MCM10: variants seen among roughly 807,000 people sequenced by gnomAD.
The protein encoded by MCM10 is minichromosome maintenance 10 replication initiation factor, also known as protein MCM10 homolog.
A neutral mutation model predicts 109.9 loss-of-function variants in MCM10; 91 were observed. The observed-to-expected ratio is 0.83, with a 90% CI of 0.70 to 0.99. MCM10 has a LOEUF of 0.99. Ranked by LOEUF, MCM10 falls within the 50% of genes least tolerant of loss-of-function variation. The pLI is 0.00. For synonymous variants in MCM10, 380 were observed against 387.2 expected (o/e 0.98, Z 0.22); for missense variants, 1,077 against 1,061.2 (o/e 1.01, Z -0.21).
chr10:13,177,056 T>G (rs547207679), intron 6 of MCM10, among the ~76,000 whole-genome samples: 6 of 152,358 alleles, frequency 3.9e-5, no homozygotes, highest in African/African-American at 1.4e-4. Flanking sequence ...GGTAGAGAAT[T>G]GCCCCCACCT....
At chr10:13,190,495 G>A (rs780349591) in intron 10 of MCM10, among the ~76,000 whole-genome samples, 1 of 149,474 alleles carries the variant, frequency 6.7e-6, no homozygotes, top group Non-Finnish European at 1.5e-5. Flanking sequence ...ACCCGCCTGA[G>A]CGACATGGCA....
chr10:13,169,082 GAAAC>G (rs1359504134), intron 2 of MCM10, among the ~76,000 whole-genome samples: 3 of 152,218 alleles, frequency 2.0e-5, no homozygotes, highest in South Asian at 2.1e-4. Context: ...GTACAGTAAA[GAAAC>G]AGACAATATG....
intron 14 of MCM10, 55 bp from the exon 15 acceptor site, chr10:13,197,568 A>C (rs1834437580): frequency 1.2e-5 from 19 of 1,546,000 alleles, no homozygotes; most frequent in Non-Finnish European, 1.7e-5. Context: ...CCAGGTCTAT[A>C]AGTGCCTCTG....
At chr10:13,183,204 C>A in intron 8 of MCM10, 104 bp downstream of exon 8, 2 of 1,340,874 alleles carry the variant, frequency 1.5e-6, no homozygotes, top group Admixed American at 2.1e-5. Flanking sequence ...ACCTGTAATC[C>A]TAACACTTTG....
At chr10:13,185,224 C>T (rs1834259216) in intron 8 of MCM10, among the ~76,000 whole-genome samples, 1 of 152,142 alleles carries the variant, frequency 6.6e-6, no homozygotes, top group African/African-American at 2.4e-5. Context: ...TATGAAAGCA[C>T]CCTGATCTGG....
At chr10:13,197,917 A>ATT (rs34102127) in intron 15 of MCM10, 150 bp downstream of exon 15, 1,472 of 515,108 alleles carry the variant, frequency 2.9e-3, no homozygotes, top group East Asian at 4.9e-3. Context: ...GGTGGAACTG[A>ATT]TTTTTTTTTT....
At chr10:13,205,544 T>C (rs938131487) in intron 18 of MCM10, among the ~76,000 whole-genome samples, 1 of 152,178 alleles carries the variant, frequency 6.6e-6, no homozygotes, top group Non-Finnish European at 1.5e-5. Context: ...AGATACCCAG[T>C]AGTGGGATTG....
At chr10:13,173,023 G>T (rs1834095858) in intron 5 of MCM10, among the ~76,000 whole-genome samples, 1 of 152,108 alleles carries the variant, frequency 6.6e-6, no homozygotes, top group African/African-American at 2.4e-5. Flanking sequence ...AGGCTGGGTA[G>T]TATAGCAAGA....
chr10:13,189,205 C>A, intron 10 of MCM10, 125 bp downstream of exon 10: 1 of 1,010,374 alleles, frequency 9.9e-7, no homozygotes, highest in Non-Finnish European at 1.4e-6. Flanking sequence ...TAACTCACTA[C>A]TTGAAACAAG....
intron 9 of MCM10, 91 bp downstream of exon 9, chr10:13,186,371 G>T (rs752147969): frequency 1.5e-5 from 12 of 796,152 alleles, no homozygotes; most frequent in Non-Finnish European, 2.5e-5. Flanking sequence ...GACCAGTTTG[G>T]AACTGAGTTT....
At chr10:13,195,450 C>G (rs914642536) in intron 14 of MCM10, 181 bp downstream of exon 14, 2 of 547,446 alleles carry the variant, frequency 3.7e-6, no homozygotes, top group African/African-American at 3.8e-5. Context: ...AACACTTTTT[C>G]TTGTCAGGCT....
intron 2 of MCM10, among the ~76,000 whole-genome samples, chr10:13,166,657 C>CATATATATAT (rs1491379684): frequency 3.7e-3 from 74 of 19,928 alleles, no homozygotes; most frequent in African/African-American, 7.4e-3. Context: ...AAAATACATA[C>CATATATATAT]ATACATATAT....
At chr10:13,206,224 G>A (rs1834578975) in intron 18 of MCM10, among the ~76,000 whole-genome samples, 2 of 152,166 alleles carry the variant, frequency 1.3e-5, no homozygotes, top group African/African-American at 4.8e-5. Flanking sequence ...GGATGCGTCT[G>A]TGCTCGCTAT....
chr10:13,165,695 T>C (rs753032837), intron 2 of MCM10, among the ~76,000 whole-genome samples: 2 of 151,994 alleles, frequency 1.3e-5, no homozygotes, highest in South Asian at 4.2e-4. Flanking sequence ...GCTAACATAG[T>C]GAAACCCCAT....
intron 13 of MCM10, among the ~76,000 whole-genome samples, chr10:13,194,185 G>A (rs565491067): frequency 2.0e-5 from 3 of 152,242 alleles, no homozygotes; most frequent in East Asian, 3.9e-4. Flanking sequence ...GCAAAATGGC[G>A]AAATCCTGTC....
Position 13,209,386 on chromosome 10 carries a change from G to T in MCM10, c.*76G>T, listed in dbSNP as rs551051874. On this transcript the variant is annotated 3_prime_UTR_variant, in exon 20 of 20. Coordinates refer to ENST00000378714, the MANE Select transcript of MCM10 (RefSeq NM_018518.5). ...GAAAGCAAAGGATTGGCTGTGTATTGTCCATTGATTCCTGATTGACGCCGT... is the reference window on the plus strand; with the variant it reads ...GAAAGCAAAGGATTGGCTGTGTATTTTCCATTGATTCCTGATTGACGCCGT... 7.3e-5 allele frequency: 83 copies of T among 1,134,380 alleles called. No homozygotes were observed. Among genetic ancestry groups the T allele is most frequent in the Non-Finnish European group, 1.1e-4 (81 of 758,624 alleles). 70.3% of individuals were successfully genotyped at this position (1,134,380 alleles called of 1,614,324 possible). A position where few individuals can be genotyped will look rare whatever the true frequency, so the allele number is the denominator to read the frequency against.
Position 13,182,912 on chromosome 10 carries a change from A to G in MCM10, c.931-21A>G, listed in dbSNP as rs1192584304. 1 of 1,600,174 alleles carries G rather than the reference A, an allele frequency of 6.2e-7. No homozygotes were observed. On this transcript the variant is annotated intron_variant, in intron 7 of 19. Transcript: ENST00000378714. The surrounding 1 kb of genome is among the most constrained non-coding windows in gnomAD (Gnocchi z 4.2). ...GCATAACCTACAGTTCAAAATTATA[A>G]AAAATAACTATTTGTTCCAGGGAAA...
At chr10:13,180,359 T>G in intron 6 of MCM10, 83 bp from the exon 7 acceptor site, 2 of 1,274,566 alleles carry the variant, frequency 1.6e-6, no homozygotes, top group Non-Finnish European at 2.2e-6. Context: ...TTTCTGACCA[T>G]CACACTCCCT....
intron 9 of MCM10, among the ~76,000 whole-genome samples, chr10:13,186,920 AG>A (rs1438694462): frequency 3.3e-4 from 50 of 152,352 alleles, no homozygotes; most frequent in African/African-American, 1.2e-3. Context: ...TGAACCTGGA[AG>A]GCAGAGGTTT....
Sources: allele counts gnomAD v4.1 joint callset (sites outside exome capture counted in the v4.1 genomes callset), GRCh38; gene constraint gnomAD v4.1.1; non-coding constraint Gnocchi (gnomAD v3.1); transcripts MANE v1.5; gene names NCBI Gene and HGNC (gene_info 2026-07-23, HGNC 2026-07-21).